The following TMEM50B variants were observed in gnomAD, a reference collection of about 807,000 sequenced individuals.
The protein encoded by TMEM50B is transmembrane protein 50B, also known as HCV p7-trans-regulated protein 3.
In TMEM50B, 14 loss-of-function variants were observed where a neutral mutation model predicts 23.4. The observed-to-expected ratio is 0.60, with a 90% CI of 0.39 to 0.93. The LOEUF is 0.93. Ranked by LOEUF, TMEM50B falls within the 40% of genes least tolerant of loss-of-function variation. TMEM50B has a pLI of 0.00. For missense variants in TMEM50B, 159 were observed against 193.0 expected, an observed-to-expected ratio of 0.82 and a Z score of 1.04; for synonymous variants, 64 against 62.3, an observed-to-expected ratio of 1.03 and a Z score of -0.13.
chr21:33,436,741 AT>A (rs905508725), intron 8 of TMEM50B: 590 of 1,102,408 alleles, frequency 5.4e-4, no homozygotes, highest in East Asian at 8.0e-4. Context: ...AAAAATAAAA[AT>A]AAAATAAAAA....
At chr21:33,445,575 G>A (rs557330351), downstream of TMEM50B, among the ~76,000 whole-genome samples, 18 of 152,330 alleles carry the variant, frequency 1.2e-4, no homozygotes, top group South Asian at 4.1e-4. Flanking sequence ...CTGGCGGATC[G>A]CTTGAGGTTA....
chr21:33,460,250 T>A, intron 5 of TMEM50B, 163 bp downstream of exon 5: 1 of 618,808 alleles, frequency 1.6e-6, no homozygotes. Context: ...CTGCACTAAG[T>A]GTTCCCACTG....
chr21:33,447,574 T>C (rs2084074432), downstream of TMEM50B, among the ~76,000 whole-genome samples: 1 of 152,140 alleles, frequency 6.6e-6, no homozygotes, highest in Non-Finnish European at 1.5e-5. Context: ...CTGGGGGCTC[T>C]TGCTCAAGGG....
intron 5 of TMEM50B, among the ~76,000 whole-genome samples, chr21:33,457,298 TAGAA>T (rs2084177865): frequency 6.6e-6 from 1 of 151,750 alleles, no homozygotes; most frequent in Non-Finnish European, 1.5e-5. Context: ...GCTGTTGAAA[TAGAA>T]AGATGAAATT....
intron 8 of TMEM50B, chr21:33,437,112 A>G: frequency 1.5e-6 from 1 of 659,518 alleles, no homozygotes; most frequent in South Asian, 1.8e-5. Flanking sequence ...AGCAGGTCTC[A>G]TGGGGGTGAC....
chr21:33,446,224 A>AT (rs1225587398), downstream of TMEM50B, among the ~76,000 whole-genome samples: 8 of 141,500 alleles, frequency 5.7e-5, no homozygotes, highest in African/African-American at 1.5e-4. Flanking sequence ...TTTTTCTTTT[A>AT]TTTTTTTTAT....
intron 1 of TMEM50B, chr21:33,478,913 T>C (rs2084399576): frequency 6.9e-6 from 3 of 434,408 alleles, no homozygotes; most frequent in African/African-American, 2.1e-5. Flanking sequence ...AGAAGGGAGA[T>C]GGGATCCTCC....
At chr21:33,442,920 C>CA (rs5843605) in intron 7 of TMEM50B, among the ~76,000 whole-genome samples, 4,748 of 146,204 alleles carry the variant, frequency 0.032, 100 homozygotes, top group Middle Eastern at 0.059. Context: ...GACTCTGTCT[C>CA]AAAAAAAAAA....
rs2084111847 is a variant in TMEM50B at position 33,450,745 on chromosome 21, T to C, written c.*73A>G. The C allele has an allele frequency of 2.6e-6, 3 of 1,163,204 alleles. No homozygotes were observed. Among genetic ancestry groups the C allele is most frequent in the Non-Finnish European group, 3.8e-6 (3 of 798,046 alleles). 72.1% of individuals were successfully genotyped at this position (1,163,204 alleles called of 1,614,324 possible). On this transcript the variant is annotated 3_prime_UTR_variant, in exon 7 of 7. Transcript: ENST00000542230. ...ATGTACAATCTACTCCATTTGGCAA[T>C]GTGTACTGAGAGATAAAAAACCTAT...
At chr21:33,475,559 G>A (rs1012764333) in intron 1 of TMEM50B, among the ~76,000 whole-genome samples, 4 of 152,084 alleles carry the variant, frequency 2.6e-5, no homozygotes, top group African/African-American at 9.7e-5. Flanking sequence ...TCTTGGCCAG[G>A]CTGGTCTTGA....
At chr21:33,455,862 G>T in intron 5 of TMEM50B, 78 bp from the exon 6 acceptor site, 1 of 997,278 alleles carries the variant, frequency 1.0e-6, no homozygotes, top group Non-Finnish European at 1.6e-6. Context: ...CATTCATAAT[G>T]ATACATTTTG....
At chr21:33,433,672 T>A (rs1311754428) in intron 8 of TMEM50B, among the ~76,000 whole-genome samples, 1 of 152,186 alleles carries the variant, frequency 6.6e-6, no homozygotes, top group East Asian at 1.9e-4. Flanking sequence ...TACAGAGTTC[T>A]GGAGATGGAT....
intron 3 of TMEM50B, among the ~76,000 whole-genome samples, chr21:33,466,737 G>A (rs2084267484): frequency 6.6e-6 from 1 of 151,392 alleles, no homozygotes; most frequent in Non-Finnish European, 1.5e-5. Flanking sequence ...AGTAGATCTT[G>A]CAACTGACAA....
intron 5 of TMEM50B, chr21:33,456,005 A>G (rs2084165294): frequency 1.4e-6 from 1 of 698,330 alleles, no homozygotes; most frequent in Non-Finnish European, 2.7e-6. Flanking sequence ...TGAACTTACA[A>G]AGTTTTCTTT....
intron 2 of TMEM50B, 45 bp from the exon 3 acceptor site, chr21:33,467,167 G>T: frequency 6.8e-7 from 1 of 1,471,150 alleles, no homozygotes; most frequent in Non-Finnish European, 9.5e-7. Flanking sequence ...ACTCTTGCTA[G>T]CACAATACCT....
intron 8 of TMEM50B, among the ~76,000 whole-genome samples, chr21:33,436,548 C>A (rs1035501051): frequency 1.3e-5 from 2 of 151,820 alleles, no homozygotes; most frequent in Admixed American, 6.6e-5. Flanking sequence ...CATAGTGAAA[C>A]CCTGTCTCTA....
intron 2 of TMEM50B, among the ~76,000 whole-genome samples, chr21:33,467,430 T>C (rs992964326): frequency 7.2e-5 from 11 of 152,120 alleles, no homozygotes; most frequent in African/African-American, 2.4e-5. Flanking sequence ...TTGAGACCAG[T>C]CTGGTCAACA....
chr21:33,448,150 C>T (rs911498883), downstream of TMEM50B, among the ~76,000 whole-genome samples: 5 of 151,968 alleles, frequency 3.3e-5, no homozygotes, highest in Non-Finnish European at 5.9e-5. Flanking sequence ...TGCACCACCA[C>T]GCCTGGCTAA....
intron 6 of TMEM50B, among the ~76,000 whole-genome samples, chr21:33,454,471 T>C (rs902844469): frequency 6.6e-6 from 1 of 151,906 alleles, no homozygotes; most frequent in African/African-American, 2.4e-5. Flanking sequence ...CGACTAATGT[T>C]TGTATTTTTA....
Sources: gnomAD v4.1 joint callset for allele counts (sites outside exome capture counted in the v4.1 genomes callset) on GRCh38, gnomAD v4.1.1 for gene constraint, MANE v1.5 for transcripts, NCBI Gene and HGNC (gene_info 2026-07-23, HGNC 2026-07-21) for gene names.